The following BMAL1 variants were observed in gnomAD, a reference collection of about 807,000 sequenced individuals.
BMAL1 encodes the protein basic helix-loop-helix ARNT like 1, also known as basic helix-loop-helix ARNT-like protein 1.
the BMAL1 span, among the ~76,000 whole-genome samples, chr11:13,313,552 T>C: frequency 6.6e-6 from 1 of 152,068 alleles, no homozygotes; most frequent in Non-Finnish European, 1.5e-5. Context: ...GGCCTTGTCT[T>C]TTCCCTCATA....
At chr11:13,312,585 T>C in the BMAL1 span, among the ~76,000 whole-genome samples, 1 of 152,154 alleles carries the variant, frequency 6.6e-6, no homozygotes. Flanking sequence ...AAAATAGCGC[T>C]AGAAGGCATG....
the BMAL1 span, among the ~76,000 whole-genome samples, chr11:13,316,673 C>T: frequency 6.6e-6 from 1 of 152,208 alleles, no homozygotes; most frequent in Admixed American, 6.5e-5. Context: ...CTCCAGGGCT[C>T]TCTAGGGCCA....
chr11:13,279,469 T>C, the BMAL1 span, among the ~76,000 whole-genome samples: 1 of 152,306 alleles, frequency 6.6e-6, no homozygotes, highest in South Asian at 2.1e-4. Flanking sequence ...ATCTGTGAAT[T>C]TGGGTTGGTG....
the BMAL1 span, among the ~76,000 whole-genome samples, chr11:13,293,879 C>G: frequency 1.3e-5 from 2 of 152,128 alleles, no homozygotes; most frequent in Non-Finnish European, 1.5e-5. Flanking sequence ...TGAAACCTTC[C>G]CAAGGCCACC....
the BMAL1 span, among the ~76,000 whole-genome samples, chr11:13,305,373 G>A: frequency 2.1e-4 from 32 of 152,278 alleles, no homozygotes; most frequent in Non-Finnish European, 2.2e-4. Flanking sequence ...TGCGAATGGG[G>A]TTGTATTTTT....
chr11:13,288,950 A>G, the BMAL1 span, among the ~76,000 whole-genome samples: 13 of 152,192 alleles, frequency 8.5e-5, no homozygotes, highest in African/African-American at 3.1e-4. Flanking sequence ...TGGAAGTCGA[A>G]TGTTTTAAAA....
chr11:13,386,864 G>T, the BMAL1 span: 1 of 1,330,444 alleles, frequency 7.5e-7, no homozygotes, highest in South Asian at 1.6e-5. Context: ...TTTATGTACT[G>T]ACTTCATAAA....
the BMAL1 span, among the ~76,000 whole-genome samples, chr11:13,288,615 T>C: frequency 6.6e-6 from 1 of 151,742 alleles, no homozygotes. Context: ...ATTTGTTTTA[T>C]TATGATTATG....
the BMAL1 span, among the ~76,000 whole-genome samples, chr11:13,318,224 A>T: frequency 6.6e-6 from 1 of 152,206 alleles, no homozygotes; most frequent in African/African-American, 2.4e-5. Context: ...TCAGTTTAGA[A>T]TTATTTCCAC....
At chr11:13,366,338 T>C in the BMAL1 span, among the ~76,000 whole-genome samples, 1 of 152,220 alleles carries the variant, frequency 6.6e-6, no homozygotes, top group South Asian at 2.1e-4. Context: ...ACAGAGAGGC[T>C]GAACAGCAGA....
At chr11:13,279,218 G>A in the BMAL1 span, among the ~76,000 whole-genome samples, 160 of 152,314 alleles carry the variant, frequency 1.1e-3, no homozygotes, top group Admixed American at 2.6e-3. Context: ...TTCTCACCCA[G>A]CTTCCAAAAA....
the BMAL1 span, among the ~76,000 whole-genome samples, chr11:13,383,342 C>T: frequency 1.7e-3 from 257 of 152,238 alleles, 2 homozygotes; most frequent in African/African-American, 6.0e-3. Flanking sequence ...TAAGGGTCTG[C>T]AAGGTTAAAG....
chr11:13,385,618 T>A, the BMAL1 span: 3 of 1,106,864 alleles, frequency 2.7e-6, no homozygotes, highest in Admixed American at 1.9e-5. Context: ...CCCCACCCCA[T>A]GCTTCATTTT....
chr11:13,344,542 G>T, the BMAL1 span, among the ~76,000 whole-genome samples: 14 of 152,344 alleles, frequency 9.2e-5, no homozygotes, highest in East Asian at 7.7e-4. Context: ...CCCCATTGTG[G>T]CTTCTGCTAG....
chr11:13,294,934 T>C, the BMAL1 span, among the ~76,000 whole-genome samples: 6 of 152,292 alleles, frequency 3.9e-5, no homozygotes, highest in East Asian at 1.2e-3. Flanking sequence ...AGAGAGCACA[T>C]TGCTGCCCTT....
At chr11:13,335,705 G>A in the BMAL1 span, among the ~76,000 whole-genome samples, 25 of 152,120 alleles carry the variant, frequency 1.6e-4, 1 homozygote, top group Admixed American at 1.4e-3. Context: ...AATTTTCTGC[G>A]AACACAGCTA....
the BMAL1 span, among the ~76,000 whole-genome samples, chr11:13,342,873 G>A: frequency 6.6e-6 from 1 of 152,316 alleles, no homozygotes; most frequent in Non-Finnish European, 1.5e-5. Flanking sequence ...TCTTGATCAA[G>A]TTACTTACTC....
chr11:13,281,478 C>T, the BMAL1 span, among the ~76,000 whole-genome samples: 1 of 152,130 alleles, frequency 6.6e-6, no homozygotes, highest in Non-Finnish European at 1.5e-5. Flanking sequence ...GCCCATCTGC[C>T]CATCCTTATT....
chr11:13,357,326 G>A, the BMAL1 span, among the ~76,000 whole-genome samples: 1,454 of 152,348 alleles, frequency 9.5e-3, 13 homozygotes, highest in Middle Eastern at 0.017. The surrounding 1 kb of genome is among the most constrained non-coding windows in gnomAD (Gnocchi z 4.8). Flanking sequence ...ACCTGAAGTG[G>A]ATTTGAAGGT....
Sources: allele counts gnomAD v4.1 joint callset (sites outside exome capture counted in the v4.1 genomes callset), GRCh38; gene constraint gnomAD v4.1.1; non-coding constraint Gnocchi (gnomAD v3.1); transcripts MANE v1.5; gene names NCBI Gene and HGNC (gene_info 2026-07-23, HGNC 2026-07-21).